The following GTF2E2 variants were observed in gnomAD, a reference collection of about 807,000 sequenced individuals.
GTF2E2 encodes general transcription factor IIE subunit 2.
A neutral mutation model predicts 40.5 loss-of-function variants in GTF2E2; 21 were observed. The observed-to-expected ratio is 0.52, with a 90% CI of 0.37 to 0.75. GTF2E2 has a LOEUF of 0.75. Ranked by LOEUF, GTF2E2 falls within the 30% of genes least tolerant of loss-of-function variation. The pLI is 0.00. For synonymous variants in GTF2E2, 117 were observed against 121.6 expected (o/e 0.96, Z 0.25); for missense variants, 298 against 338.4 (o/e 0.88, Z 0.94).
intron 6 of GTF2E2, among the ~76,000 whole-genome samples, chr8:30,594,525 T>C (rs1828941904): frequency 6.8e-6 from 1 of 146,472 alleles, no homozygotes; most frequent in Non-Finnish European, 1.5e-5. Context: ...ATAGACAGTA[T>C]ATACTAGACA....
intron 2 of GTF2E2, among the ~76,000 whole-genome samples, chr8:30,647,426 C>CA (rs1365703848): frequency 2.6e-5 from 4 of 152,092 alleles, no homozygotes; most frequent in Non-Finnish European, 5.9e-5. Flanking sequence ...ACTAAAAATA[C>CA]AAAAAAATTA....
chr8:30,625,583 T>C (rs1801247876), intron 3 of GTF2E2, among the ~76,000 whole-genome samples: 1 of 152,152 alleles, frequency 6.6e-6, no homozygotes, highest in African/African-American at 2.4e-5. Context: ...AGTAGGGCTA[T>C]GTTCACTTTG....
intron 6 of GTF2E2, among the ~76,000 whole-genome samples, chr8:30,589,169 A>G (rs1278340421): frequency 6.6e-6 from 1 of 152,216 alleles, no homozygotes; most frequent in Non-Finnish European, 1.5e-5. Context: ...AGGCAGGAGA[A>G]TCACTTGAAT....
intron 1 of GTF2E2, among the ~76,000 whole-genome samples, chr8:30,655,806 AT>A (rs888429663): frequency 6.0e-5 from 9 of 151,048 alleles, no homozygotes; most frequent in Non-Finnish European, 1.2e-4. Flanking sequence ...CTCAGTTTCA[AT>A]TTTTTTTTCT....
In GTF2E2 at chr8:30,622,834, G is replaced by A. The variant is rs941137758; in HGVS notation, c.259-8119C>T. Among the ~76,000 whole-genome samples, 16 of 152,076 alleles carry A rather than the reference G, an allele frequency of 1.1e-4. No homozygotes were observed. The South Asian group carries it at 1.2e-3, about 12-fold the overall frequency. On this transcript the variant is annotated intron_variant, in intron 3 of 7. Transcript: ENST00000355904. ...ATGGCTCTGTTCCACCCGGCTCACC[G>A]GTGGTCAGAGTTTAAGGTTATCTCT...
intron 2 of GTF2E2, chr8:30,645,895 G>C (rs1802057758): frequency 7.7e-6 from 2 of 260,830 alleles, no homozygotes; most frequent in Admixed American, 4.9e-5. Flanking sequence ...AGCTGGAAAA[G>C]ACAAGCAAGG....
chr8:30,654,426 A>G (rs576969987), intron 1 of GTF2E2, among the ~76,000 whole-genome samples: 26 of 152,216 alleles, frequency 1.7e-4, no homozygotes, highest in South Asian at 6.2e-4. Flanking sequence ...ATTAAGAGAC[A>G]GTGTCTCACT....
chr8:30,632,568 TATTAAA>T (rs900646580), intron 3 of GTF2E2, among the ~76,000 whole-genome samples: 2 of 152,204 alleles, frequency 1.3e-5, no homozygotes, highest in African/African-American at 4.8e-5. Context: ...CACAAAGCTA[TATTAAA>T]ATTAACAGTA....
At chr8:30,642,649 A>C (rs573371551) in intron 2 of GTF2E2, among the ~76,000 whole-genome samples, 1 of 142,056 alleles carries the variant, frequency 7.0e-6, no homozygotes, top group African/African-American at 2.6e-5. Flanking sequence ...TGCAGATACA[A>C]GCAAATAAGA....
chr8:30,639,782 A>G (rs1801749874), intron 2 of GTF2E2, among the ~76,000 whole-genome samples: 1 of 150,744 alleles, frequency 6.6e-6, no homozygotes, highest in Non-Finnish European at 1.5e-5. Context: ...TTTTTTCTTC[A>G]TAATTTCTAT....
intron 3 of GTF2E2, among the ~76,000 whole-genome samples, chr8:30,624,960 A>G (rs1801222914): frequency 1.3e-5 from 1 of 78,998 alleles, no homozygotes; most frequent in Non-Finnish European, 2.6e-5. Context: ...GCAAACAGGG[A>G]CAATTTGACT....
intron 6 of GTF2E2, 79 bp downstream of exon 6, chr8:30,606,978 A>T: frequency 1.9e-6 from 1 of 531,616 alleles, no homozygotes; most frequent in East Asian, 3.5e-5. Context: ...TTAAATTATA[A>T]TTGTATTATA....
chr8:30,629,582 G>A (rs1042605955), intron 3 of GTF2E2, among the ~76,000 whole-genome samples: 23 of 151,610 alleles, frequency 1.5e-4, no homozygotes, highest in Non-Finnish European at 2.5e-4. Flanking sequence ...CCAGCTCCTC[G>A]GGAGGCTAAG....
chr8:30,579,031 T>C lies in GTF2E2; in HGVS notation c.766A>G (p.Ile256Val), dbSNP rs776919336. 5.2e-6 allele frequency: 8 copies of C among 1,544,190 alleles called. No homozygotes were observed. In the South Asian group the frequency reaches 6.7e-5, roughly 13 times the overall value. Residue 256 changes from isoleucine to valine, a missense_variant, in exon 8 of 8, where the codon ATT becomes GTT. By Grantham distance (29) the Ile-to-Val change is conservative. Coordinates refer to ENST00000355904, the MANE Select transcript of GTF2E2 (RefSeq NM_002095.6). ...GAAGCAGGCTTTTTCCTTCTCTGAATAGGGGCCTAAAGGAAAAGGTAAAAA... is the reference window on the plus strand; with the variant it reads ...GAAGCAGGCTTTTTCCTTCTCTGAACAGGGGCCTAAAGGAAAAGGTAAAAA... ...QESGPKKVAP[I>V]QRRKKPASQK...
rs555334266 is a variant in GTF2E2, at chr8:30,623,257, C to T, written c.259-8542G>A. ...TGACTTCCCGCAACACAAGTGTTCT[C>T]ACTGTTCAATTCCCACCTATGAGTG... On this transcript the variant is annotated intron_variant, in intron 3 of 7. Transcript: ENST00000355904. Among the ~76,000 whole-genome samples, 202 of 152,264 alleles carry T rather than the reference C, an allele frequency of 1.3e-3. 2 individuals carry two copies. The highest frequency in any genetic ancestry group is 0.012 in the South Asian group (59 of 4,830).
intron 3 of GTF2E2, among the ~76,000 whole-genome samples, chr8:30,627,008 T>G (rs1801296338): frequency 6.6e-6 from 1 of 152,178 alleles, no homozygotes; most frequent in African/African-American, 2.4e-5. Flanking sequence ...GTAGCAGAAT[T>G]TATTGTCTAA....
intron 6 of GTF2E2, among the ~76,000 whole-genome samples, chr8:30,599,580 C>CAAA (rs11374248): frequency 2.5e-4 from 28 of 114,042 alleles, no homozygotes; most frequent in Admixed American, 4.6e-4. Flanking sequence ...GTTTGTCTCA[C>CAAA]AAAAAAAAAA....
At chr8:30,621,086 T>C (rs752554848) in intron 3 of GTF2E2, among the ~76,000 whole-genome samples, 4 of 152,060 alleles carry the variant, frequency 2.6e-5, no homozygotes, top group Non-Finnish European at 5.9e-5. Flanking sequence ...AAAATATTTT[T>C]CCATATTCTC....
Position 30,653,456 on chromosome 8 carries a change from G to C in GTF2E2, c.143C>G (p.Ser48Trp), listed in dbSNP as rs1164030994. The C allele has an allele frequency of 6.2e-6, 10 of 1,613,370 alleles. No homozygotes were observed. The highest frequency in any genetic ancestry group is 8.5e-6 in the Non-Finnish European group (10 of 1,179,582). The change falls in exon 2 of 8, where the codon TCG becomes TGG. Residue 48 changes from serine (S) to tryptophan (W), a missense_variant. Transcript: ENST00000355904. ...KKKTKVEHGG[S>W]SGSKQNSDHS... ...ACCAGAATTTTGTTTAGAGCCTGAC[G>C]ATCCTCCATGTTCTACCTTTGTTTT... is the stretch of plus-strand genomic sequence containing the variant.
Sources: gnomAD v4.1 joint callset for allele counts (sites outside exome capture counted in the v4.1 genomes callset) on GRCh38, gnomAD v4.1.1 for gene constraint, MANE v1.5 for transcripts, NCBI Gene and HGNC (gene_info 2026-07-23, HGNC 2026-07-21) for gene names.